Variants in ZFHX4 observed in about 807,000 individuals in gnomAD.
The protein encoded by ZFHX4 is zinc finger homeobox 4.
In ZFHX4, 56 loss-of-function variants were observed where a neutral mutation model predicts 267.6. The ratio of observed to expected loss-of-function variants is 0.21; its 90% CI spans 0.17 to 0.26. The LOEUF is 0.26. ZFHX4 is among the 10% of genes least tolerant of loss of function. ZFHX4 has a pLI of 1.00. For synonymous variants in ZFHX4, 1,778 were observed against 1,665.6 expected (o/e 1.07, Z -1.64); for missense variants, 4,332 against 4,420.0 (o/e 0.98, Z 0.56).
At chr8:76,861,035 A>G (rs1373536259) in intron 10 of ZFHX4, among the ~76,000 whole-genome samples, 1 of 152,148 alleles carries the variant, frequency 6.6e-6, no homozygotes, top group Non-Finnish European at 1.5e-5. Context: ...GGCTAGGTCT[A>G]AGTCCCAGGA....
At chr8:76,828,568 G>C (rs902224233) in intron 4 of ZFHX4, among the ~76,000 whole-genome samples, 8 of 152,184 alleles carry the variant, frequency 5.3e-5, no homozygotes, top group African/African-American at 1.9e-4. Context: ...ATGATCATTA[G>C]TTTATAATTA....
intron 10 of ZFHX4, among the ~76,000 whole-genome samples, chr8:76,856,514 C>T (rs1563566809): frequency 6.6e-6 from 1 of 152,098 alleles, no homozygotes; most frequent in Admixed American, 6.5e-5. Context: ...AGGTAGATCA[C>T]AGCAGATTCT....
intron 3 of ZFHX4, among the ~76,000 whole-genome samples, chr8:76,739,815 T>G (rs967158915): frequency 6.6e-6 from 1 of 152,212 alleles, no homozygotes; most frequent in African/African-American, 2.4e-5. Flanking sequence ...TATATAATGT[T>G]TGTTATATTT....
rs1334168350 is a variant in ZFHX4 at position 76,855,107 on chromosome 8, A to G, written c.8186A>G (p.Tyr2729Cys). The change falls in exon 10 of 11, where the codon TAT (tyrosine) becomes TGT (cysteine). Residue 2729 changes from tyrosine (Y) to cysteine (C), a missense_variant. This residue lies in a region of ZFHX4 where 1,648 missense variants were observed against 1,625.0 expected (regional missense o/e 1.01). Transcript: ENST00000651372. Reference sequence around the variant, plus strand: ...GGAGAAAGCCCACAGAAATACATCTATTTTGATTACCCATCTTTGCCATTA... The same window carrying G: ...GGAGAAAGCCCACAGAAATACATCTGTTTTGATTACCCATCTTTGCCATTA... ...DGGESPQKYI[Y>C]FDYPSLPLTK... 6 of 1,613,690 alleles carry G rather than the reference A, an allele frequency of 3.7e-6. No individual in the cohort carries two copies. The highest frequency in any genetic ancestry group is 3.3e-5 in the Admixed American group (2 of 59,994).
Position 76,851,729 on chromosome 8 carries a change from G to A in ZFHX4, c.4808G>A (p.Ser1603Asn), listed in dbSNP as rs780838902. The A allele has an allele frequency of 1.9e-6, 3 of 1,613,942 alleles. No individual in the cohort carries two copies. The highest frequency in any genetic ancestry group is 1.1e-5 in the South Asian group (1 of 91,082). ...TGCAGCATCTGCAATGTTGCATACA[G>A]CCAAAGCTCAACATTGGAAATCCAC... ...YKCSICNVAY[S>N]QSSTLEIHMR... The change falls in exon 10 of 11, where the codon AGC (serine) becomes AAC (asparagine). Residue 1603 changes from serine to asparagine, a missense_variant. Ser to Asn is a conservative substitution (Grantham distance 46). Around this residue, in one of 7 missense-constraint regions of ZFHX4, gnomAD observed 1,371 missense variants for 1,423.1 expected, o/e 0.96. Transcript: ENST00000651372.
chr8:76,835,363 TTATTTCTGCTATA>T (rs1234637907), intron 5 of ZFHX4, among the ~76,000 whole-genome samples: 2 of 150,988 alleles, frequency 1.3e-5, no homozygotes, highest in South Asian at 2.1e-4. Context: ...CACAGCTCAT[TTATTTCTGCTATA>T]TATTTCTGCT....
At chr8:76,842,175 A>G (rs1306831023) in intron 5 of ZFHX4, among the ~76,000 whole-genome samples, 1 of 152,182 alleles carries the variant, frequency 6.6e-6, no homozygotes, top group Non-Finnish European at 1.5e-5. Flanking sequence ...GAAAATGCCA[A>G]AGAATTCCTT....
At chr8:76,824,250 G>T (rs1811728272) in intron 4 of ZFHX4, among the ~76,000 whole-genome samples, 1 of 152,128 alleles carries the variant, frequency 6.6e-6, no homozygotes, top group African/African-American at 2.4e-5. Flanking sequence ...TAAATGTTTT[G>T]TGTCTTAATG....
intron 4 of ZFHX4, among the ~76,000 whole-genome samples, chr8:76,825,662 G>T (rs1811765113): frequency 6.6e-6 from 1 of 152,348 alleles, no homozygotes; most frequent in South Asian, 2.1e-4. Flanking sequence ...ATTCTTCACA[G>T]CAAGAGTGAA....
At chr8:76,725,676 T>A (rs570785106) in intron 3 of ZFHX4, among the ~76,000 whole-genome samples, 16 of 152,300 alleles carry the variant, frequency 1.1e-4, no homozygotes, top group Admixed American at 9.2e-4. Flanking sequence ...TTGCCCTCCC[T>A]TATTTTAGGG....
intron 3 of ZFHX4, among the ~76,000 whole-genome samples, chr8:76,717,112 G>T (rs1236543343): frequency 1.3e-5 from 2 of 152,032 alleles, no homozygotes; most frequent in African/African-American, 2.4e-5. Context: ...CCTTCTCCTG[G>T]TTTCCTTACA....
chr8:76,834,613 A>G (rs1157833513), intron 5 of ZFHX4, among the ~76,000 whole-genome samples: 1 of 152,058 alleles, frequency 6.6e-6, no homozygotes, highest in Non-Finnish European at 1.5e-5. Flanking sequence ...TGCTTGTAAG[A>G]GTTGTAAGAG....
intron 4 of ZFHX4, among the ~76,000 whole-genome samples, chr8:76,822,578 T>G (rs1024654830): frequency 6.6e-6 from 1 of 150,438 alleles, no homozygotes; most frequent in African/African-American, 2.4e-5. Context: ...TAACTCGGAC[T>G]ACAGGTGTGC....
intron 4 of ZFHX4, among the ~76,000 whole-genome samples, chr8:76,781,327 C>A (rs1041742934): frequency 2.6e-5 from 4 of 152,038 alleles, no homozygotes; most frequent in African/African-American, 9.7e-5. Context: ...ATTGTAATAG[C>A]AAATAACTAT....
chr8:76,843,255 C>T (rs914847046), intron 6 of ZFHX4, among the ~76,000 whole-genome samples: 2 of 152,192 alleles, frequency 1.3e-5, no homozygotes, highest in Non-Finnish European at 2.9e-5. Context: ...AACTTACACT[C>T]AGGAATTTGC....
At chr8:76,833,779 G>T (rs1812001028) in intron 5 of ZFHX4, among the ~76,000 whole-genome samples, 1 of 152,050 alleles carries the variant, frequency 6.6e-6, no homozygotes, top group Non-Finnish European at 1.5e-5. Context: ...TACTCTTGGT[G>T]TTGTACATTT....
chr8:76,780,161 A>C (rs1387232297), intron 4 of ZFHX4, among the ~76,000 whole-genome samples: 1 of 152,158 alleles, frequency 6.6e-6, no homozygotes, highest in African/African-American at 2.4e-5. Flanking sequence ...TTACCAGCCA[A>C]CCTTTACTTA....
chr8:76,866,528 A>T lies in ZFHX4; in HGVS notation c.*1963A>T, dbSNP rs1586030035. 1 of 151,812 alleles carries T rather than the reference A, an allele frequency of 6.6e-6. No homozygotes were observed. The highest frequency in any genetic ancestry group is 1.5e-5 in the Non-Finnish European group (1 of 67,918). 9.4% of individuals were successfully genotyped at this position (151,812 alleles called of 1,614,324 possible). A position where few individuals can be genotyped will look rare whatever the true frequency, so the allele number is the denominator to read the frequency against. On this transcript the variant is annotated 3_prime_UTR_variant, in exon 11 of 11. Transcript: ENST00000651372. The stretch of plus-strand genomic sequence containing the variant: ...AGACACTTTTTTGATTGTGTTTCGT[A>T]AGAGACAACATGGCCTCCTAAGGTG...
At chr8:76,762,449 T>A (rs2131732369) in intron 3 of ZFHX4, among the ~76,000 whole-genome samples, 1 of 152,302 alleles carries the variant, frequency 6.6e-6, no homozygotes, top group Non-Finnish European at 1.5e-5. Flanking sequence ...ATTTTGTAAG[T>A]TCTAAGTTTA....
Sources: gnomAD v4.1 joint callset for allele counts (sites outside exome capture counted in the v4.1 genomes callset) on GRCh38, gnomAD v4.1.1 for gene constraint, gnomAD v4.1.1 regional missense constraint, MANE v1.5 for transcripts, NCBI Gene and HGNC (gene_info 2026-07-23, HGNC 2026-07-21) for gene names.